CHST9: variants seen among roughly 807,000 people sequenced by gnomAD.
CHST9 encodes carbohydrate sulfotransferase 9.
Under a neutral mutation model 44.4 loss-of-function variants are expected in CHST9, and 41 were observed. That is an observed-to-expected ratio of 0.92 (90% CI 0.72 to 1.20). The LOEUF is 1.20. Ranked by LOEUF, CHST9 falls within the 50% of genes most tolerant of loss-of-function variation. CHST9 has a pLI of 0.00. For synonymous variants in CHST9, 171 were observed against 178.4 expected, an observed-to-expected ratio of 0.96 and a Z score of 0.33; for missense variants, 504 against 516.5, an observed-to-expected ratio of 0.98 and a Z score of 0.23.
chr18:27,031,262 T>C (rs1375564695), intron 3 of CHST9, among the ~76,000 whole-genome samples: 1 of 152,220 alleles, frequency 6.6e-6, no homozygotes, highest in Non-Finnish European at 1.5e-5. Flanking sequence ...TTGCCTCAAG[T>C]GCAGCTGGAC....
intron 2 of CHST9, among the ~76,000 whole-genome samples, chr18:27,113,605 T>C (rs2058293957): frequency 6.6e-6 from 1 of 152,128 alleles, no homozygotes; most frequent in Admixed American, 6.5e-5. Context: ...CCCAGAGAGC[T>C]CACTTGCTCC....
chr18:27,065,693 A>T (rs2057775236), intron 2 of CHST9, among the ~76,000 whole-genome samples: 1 of 151,278 alleles, frequency 6.6e-6, no homozygotes, highest in Non-Finnish European at 1.5e-5. Context: ...TAAATATGGT[A>T]GTCAGTTGGA....
chr18:27,094,303 C>G (rs189160845), intron 2 of CHST9, among the ~76,000 whole-genome samples: 1 of 152,234 alleles, frequency 6.6e-6, no homozygotes, highest in East Asian at 1.9e-4. Context: ...AAAACAAAAT[C>G]TTATTCAAAG....
intron 4 of CHST9, among the ~76,000 whole-genome samples, chr18:26,988,489 A>T (rs1033608759): frequency 1.7e-4 from 26 of 152,224 alleles, no homozygotes; most frequent in Non-Finnish European, 4.4e-5. Flanking sequence ...AATAAGTCAC[A>T]AGGACAAAAC....
chr18:27,101,487 CG>C (rs536466423), intron 2 of CHST9, among the ~76,000 whole-genome samples: 1,728 of 28,952 alleles, frequency 0.06, 35 homozygotes, highest in African/African-American at 0.18. Context: ...CAGCTACTGG[CG>C]GGGGTGAGGG....
At chr18:27,021,666 A>AT (rs1408391776) in intron 4 of CHST9, among the ~76,000 whole-genome samples, 1 of 151,966 alleles carries the variant, frequency 6.6e-6, no homozygotes, top group African/African-American at 2.4e-5. Flanking sequence ...CCATTGCAGA[A>AT]TTTTTTCCTC....
At chr18:27,029,862 T>A (rs762433968) in intron 3 of CHST9, among the ~76,000 whole-genome samples, 31 of 152,180 alleles carry the variant, frequency 2.0e-4, no homozygotes, top group Non-Finnish European at 2.9e-5. Flanking sequence ...GTAATTTGAA[T>A]CTCATCATCC....
chr18:27,059,114 T>C (rs2057691988), intron 2 of CHST9, among the ~76,000 whole-genome samples: 1 of 152,206 alleles, frequency 6.6e-6, no homozygotes, highest in Non-Finnish European at 1.5e-5. Flanking sequence ...AGGAGTGCAG[T>C]TAAAGCACAA....
intron 2 of CHST9, among the ~76,000 whole-genome samples, chr18:27,118,676 T>C (rs2058349708): frequency 6.6e-6 from 1 of 152,228 alleles, no homozygotes; most frequent in Non-Finnish European, 1.5e-5. Flanking sequence ...CATCCCATGG[T>C]GCCCCTATGG....
At chr18:27,007,610 G>A (rs2057032280) in intron 4 of CHST9, among the ~76,000 whole-genome samples, 1 of 152,084 alleles carries the variant, frequency 6.6e-6, no homozygotes, top group Admixed American at 6.5e-5. Flanking sequence ...TCCAATAGAA[G>A]AACAAAACTC....
Position 26,911,543 on chromosome 18 carries a change from G to T in CHST9, c.*4716C>A, listed in dbSNP as rs1336618088. 1 of 152,190 alleles carries T rather than the reference G, an allele frequency of 6.6e-6. No homozygotes were observed. The highest frequency in any genetic ancestry group is 6.5e-5 in the Admixed American group (1 of 15,270). 9.4% of individuals were successfully genotyped at this position (152,190 alleles called of 1,614,324 possible). ...ATTTTGAAATTGAATAATCTCAAGA[G>T]ATTCCTTGGTGAGTTAACAAGAAAT... On this transcript the variant is annotated 3_prime_UTR_variant, in exon 6 of 6. Coordinates refer to ENST00000618847, the MANE Select transcript of CHST9 (RefSeq NM_031422.6).
At chr18:26,980,692 G>A (rs1249868542) in intron 4 of CHST9, among the ~76,000 whole-genome samples, 1 of 152,104 alleles carries the variant, frequency 6.6e-6, no homozygotes, top group Non-Finnish European at 1.5e-5. Flanking sequence ...TCTAAGGCAA[G>A]CAGTCCTATC....
At chr18:27,083,240 T>C (rs2057977819) in intron 2 of CHST9, among the ~76,000 whole-genome samples, 1 of 152,176 alleles carries the variant, frequency 6.6e-6, no homozygotes, top group African/African-American at 2.4e-5. Context: ...TTCTTTCTAA[T>C]TACCACTTAT....
intron 4 of CHST9, among the ~76,000 whole-genome samples, chr18:27,004,640 C>T (rs2056993165): frequency 6.6e-6 from 1 of 152,130 alleles, no homozygotes; most frequent in Admixed American, 6.6e-5. Flanking sequence ...CCCCTAGTGA[C>T]AAGGTCCAAT....
At chr18:27,048,199 A>G (rs1185503731) in intron 3 of CHST9, among the ~76,000 whole-genome samples, 1 of 152,192 alleles carries the variant, frequency 6.6e-6, no homozygotes, top group Non-Finnish European at 1.5e-5. Flanking sequence ...TGCAAGACTT[A>G]CCTTTAAATA....
intron 1 of CHST9, among the ~76,000 whole-genome samples, chr18:27,176,024 A>G (rs2058865541): frequency 6.6e-6 from 1 of 151,994 alleles, no homozygotes; most frequent in Non-Finnish European, 1.5e-5. Context: ...AGTTAACTAG[A>G]GAATGCTTGA....
At chr18:27,132,392 C>A (rs2058479631) in intron 2 of CHST9, among the ~76,000 whole-genome samples, 1 of 152,148 alleles carries the variant, frequency 6.6e-6, no homozygotes, top group Non-Finnish European at 1.5e-5. Flanking sequence ...CAGGATATCC[C>A]TGGAGAAAAT....
chr18:27,108,502 G>A (rs558614710), intron 2 of CHST9, among the ~76,000 whole-genome samples: 3 of 152,234 alleles, frequency 2.0e-5, no homozygotes, highest in East Asian at 3.9e-4. Flanking sequence ...TAAAAGACGG[G>A]ATTTAGATTG....
chr18:26,921,876 C>T (rs963424825), intron 5 of CHST9, among the ~76,000 whole-genome samples: 5 of 152,180 alleles, frequency 3.3e-5, no homozygotes, highest in Non-Finnish European at 7.3e-5. Flanking sequence ...CTGTCACCCA[C>T]TCACAAAATC....
Sources: gnomAD v4.1 joint callset for allele counts (sites outside exome capture counted in the v4.1 genomes callset) on GRCh38, gnomAD v4.1.1 for gene constraint, MANE v1.5 for transcripts, NCBI Gene and HGNC (gene_info 2026-07-23, HGNC 2026-07-21) for gene names.